The following SPATA17 variants were observed in gnomAD, a reference collection of about 807,000 sequenced individuals.
SPATA17 encodes spermatogenesis-associated protein 17.
A neutral mutation model predicts 62.2 loss-of-function variants in SPATA17; 53 were observed. The observed-to-expected ratio is 0.85, with a 90% CI of 0.68 to 1.07. The LOEUF (loss-of-function observed/expected upper bound fraction) is 1.07. Ranked by LOEUF, SPATA17 falls within the 50% of genes least tolerant of loss-of-function variation. SPATA17 has a pLI of 0.00. For synonymous variants in SPATA17, 146 were observed against 146.8 expected (o/e 0.99, Z 0.04); for missense variants, 466 against 425.5 (o/e 1.10, Z -0.84).
chr1:217,742,266 C>T (rs907590775), intron 6 of SPATA17, among the ~76,000 whole-genome samples, 168 bp downstream of exon 6: 1 of 152,158 alleles, frequency 6.6e-6, no homozygotes, highest in South Asian at 2.1e-4. Context: ...CACCATGACT[C>T]GTCTGTGACA....
intron 5 of SPATA17, among the ~76,000 whole-genome samples, chr1:217,691,238 C>A (rs1671347242): frequency 7.0e-6 from 1 of 142,762 alleles, no homozygotes; most frequent in African/African-American, 2.6e-5. Flanking sequence ...CTCTGATGGC[C>A]AGTGATGATG....
At chr1:217,731,926 A>C (rs972570953) in intron 5 of SPATA17, among the ~76,000 whole-genome samples, 4 of 152,218 alleles carry the variant, frequency 2.6e-5, no homozygotes, top group African/African-American at 9.6e-5. Context: ...CTACTACAAA[A>C]AAAGCAAATT....
chr1:217,865,237 T>C, intron 10 of SPATA17, among the ~76,000 whole-genome samples: 1 of 152,216 alleles, frequency 6.6e-6, no homozygotes, highest in East Asian at 1.9e-4. Flanking sequence ...ATCTATTTGA[T>C]TGCTTCAGCT....
chr1:217,768,939 C>T (rs34810362), intron 6 of SPATA17, among the ~76,000 whole-genome samples: 46,205 of 152,012 alleles, frequency 0.3, 7,880 homozygotes, highest in Non-Finnish European at 0.39. Context: ...AAACCATTCT[C>T]CTAATCCCTT....
chr1:217,648,236 A>G (rs540176091), intron 1 of SPATA17, among the ~76,000 whole-genome samples: 1 of 152,014 alleles, frequency 6.6e-6, no homozygotes, highest in Admixed American at 6.6e-5. Context: ...TGGTTTTTAC[A>G]GTTTATTTTA....
At chr1:217,848,970 T>C (rs148082698) in intron 9 of SPATA17, among the ~76,000 whole-genome samples, 1 of 152,290 alleles carries the variant, frequency 6.6e-6, no homozygotes. Flanking sequence ...CTCATATTTT[T>C]ACTTCACTAA....
intron 5 of SPATA17, among the ~76,000 whole-genome samples, chr1:217,697,399 CAAG>C (rs1383775750): frequency 1.3e-5 from 2 of 152,140 alleles, no homozygotes; most frequent in South Asian, 2.1e-4. Flanking sequence ...TGTATTACAG[CAAG>C]AAGATTCTTG....
intron 1 of SPATA17, among the ~76,000 whole-genome samples, chr1:217,636,623 T>C (rs536321016): frequency 2.0e-5 from 3 of 152,224 alleles, no homozygotes; most frequent in South Asian, 4.1e-4. Context: ...GAGTTTTCGC[T>C]ATGTTGGTCA....
intron 5 of SPATA17, among the ~76,000 whole-genome samples, chr1:217,710,061 C>T (rs1335535567): frequency 6.6e-6 from 1 of 152,116 alleles, no homozygotes; most frequent in Non-Finnish European, 1.5e-5. Flanking sequence ...GGATACCAGA[C>T]AACATTGGCC....
At chr1:217,746,145 A>G (rs976286702) in intron 6 of SPATA17, among the ~76,000 whole-genome samples, 3 of 152,060 alleles carry the variant, frequency 2.0e-5, no homozygotes, top group Non-Finnish European at 2.9e-5. Flanking sequence ...AGTACAAATA[A>G]AAGCCAAATA....
Position 217,662,110 on chromosome 1 carries a change from G to A in SPATA17, c.241-6923G>A, listed in dbSNP as rs977888370. ...TTTATCTGTAAAAACTAAATTGGAT[G>A]GCTTGTATACATTTTGTTATATTTT... On this transcript the variant is annotated intron_variant, in intron 3 of 10. Transcript: ENST00000366933. Among the ~76,000 whole-genome samples, 25 of 152,154 alleles carry A rather than the reference G, an allele frequency of 1.6e-4. No homozygotes were observed. The East Asian group carries it at 4.4e-3, about 27-fold the overall frequency.
chr1:217,727,631 T>C (rs575375230), intron 5 of SPATA17, among the ~76,000 whole-genome samples: 107 of 152,318 alleles, frequency 7.0e-4, no homozygotes, highest in African/African-American at 2.5e-3. Flanking sequence ...TCTTAAAATG[T>C]ATAATATTCT....
rs533096763 is a variant in SPATA17 at position 217,767,781 on chromosome 1, A to G, written c.520-6553A>G. On this transcript the variant is annotated intron_variant, in intron 6 of 10. Transcript: ENST00000366933. ...TATTCATTAAGCCCTTAGCATATTA[A>G]TCTTAGTCATGGTAAATCCTGGCCT... 2.2e-4 allele frequency among the ~76,000 whole-genome samples: 34 copies of G among 152,214 alleles called. No individual in the cohort carries two copies. In the South Asian group the frequency reaches 7.1e-3, roughly 32 times the overall value.
intron 1 of SPATA17, among the ~76,000 whole-genome samples, chr1:217,644,017 G>A (rs868233697): frequency 3.0e-4 from 46 of 152,200 alleles, no homozygotes; most frequent in African/African-American, 1.0e-3. Flanking sequence ...GTGAGCCACC[G>A]CACACAGCTA....
intron 6 of SPATA17, among the ~76,000 whole-genome samples, chr1:217,759,767 A>G (rs1354402226): frequency 6.6e-6 from 1 of 152,194 alleles, no homozygotes; most frequent in African/African-American, 2.4e-5. Flanking sequence ...GTAGTTTGAG[A>G]ACGAGTATAC....
At chr1:217,738,728 G>A (rs555243594) in intron 5 of SPATA17, among the ~76,000 whole-genome samples, 1 of 152,210 alleles carries the variant, frequency 6.6e-6, no homozygotes, top group Admixed American at 6.5e-5. Flanking sequence ...AAGGCTGGTG[G>A]ATTACCTGAG....
intron 4 of SPATA17, among the ~76,000 whole-genome samples, chr1:217,680,173 A>T (rs1671045730): frequency 6.6e-6 from 1 of 152,210 alleles, no homozygotes; most frequent in African/African-American, 2.4e-5. Context: ...CATTAATAAA[A>T]TTGTTACTGT....
At chr1:217,850,486 GCTGCATGCCTGC>G in intron 9 of SPATA17, 1 of 1,491,028 alleles carries the variant, frequency 6.7e-7, no homozygotes, top group Non-Finnish European at 9.3e-7. Flanking sequence ...GCCTCTTCTA[GCTGCATGCCTGC>G]AAAGATGAGC....
intron 3 of SPATA17, among the ~76,000 whole-genome samples, chr1:217,667,313 C>T (rs766338266): frequency 4.6e-5 from 7 of 152,014 alleles, no homozygotes; most frequent in Non-Finnish European, 1.0e-4. Flanking sequence ...TCCCAAAGTG[C>T]TGGGATTACA....
Sources: gnomAD v4.1 joint callset for allele counts (sites outside exome capture counted in the v4.1 genomes callset) on GRCh38, gnomAD v4.1.1 for gene constraint, MANE v1.5 for transcripts, NCBI Gene and HGNC (gene_info 2026-07-23, HGNC 2026-07-21) for gene names.